ERC2: variants seen among roughly 807,000 people sequenced by gnomAD.
The protein encoded by ERC2 is ELKS/RAB6-interacting/CAST family member 2.
A neutral mutation model predicts 114.8 loss-of-function variants in ERC2; 42 were observed. The observed-to-expected ratio is 0.37, with a 90% confidence interval of 0.29 to 0.47. The LOEUF is 0.47. ERC2 is among the 20% of genes least tolerant of loss of function. The pLI is 0.99. For missense variants in ERC2, 939 were observed against 1,150.7 expected (o/e 0.82, Z 2.66); for synonymous variants, 454 against 425.5 (o/e 1.07, Z -0.82).
intron 7 of ERC2, among the ~76,000 whole-genome samples, chr3:56,075,958 C>T (rs2076949803): frequency 6.6e-6 from 1 of 151,990 alleles, no homozygotes; most frequent in African/African-American, 2.4e-5. Context: ...CTCAGTAATC[C>T]CACAGTGTCC....
intron 17 of ERC2, among the ~76,000 whole-genome samples, chr3:55,534,390 C>A (rs1380433529): frequency 1.6e-5 from 2 of 124,422 alleles, no homozygotes; most frequent in Non-Finnish European, 3.5e-5. Context: ...AGAGTGAGAC[C>A]CTGTCAAAAA....
chr3:55,636,903 A>G (rs1278233054), intron 17 of ERC2, among the ~76,000 whole-genome samples: 1 of 152,224 alleles, frequency 6.6e-6, no homozygotes, highest in African/African-American at 2.4e-5. Context: ...GTGTTAGACC[A>G]AATCACTCCA....
intron 3 of ERC2, among the ~76,000 whole-genome samples, chr3:56,225,904 G>A (rs142851718): frequency 1.5e-4 from 23 of 152,222 alleles, no homozygotes; most frequent in African/African-American, 4.6e-4. Context: ...GGATCCAGCT[G>A]GAACTTCACA....
At chr3:56,449,258 A>G (rs996149324) in intron 1 of ERC2, among the ~76,000 whole-genome samples, 1 of 151,980 alleles carries the variant, frequency 6.6e-6, no homozygotes, top group Non-Finnish European at 1.5e-5. Flanking sequence ...ATTCTGGAAG[A>G]CAACTCAGGG....
intron 14 of ERC2, among the ~76,000 whole-genome samples, chr3:55,811,819 T>C (rs2059730448): frequency 6.6e-6 from 1 of 152,218 alleles, no homozygotes; most frequent in Non-Finnish European, 1.5e-5. Context: ...ATTTCTTCCT[T>C]CCTCACAATT....
At chr3:56,105,686 G>A (rs1332913478) in intron 6 of ERC2, among the ~76,000 whole-genome samples, 1 of 152,170 alleles carries the variant, frequency 6.6e-6, no homozygotes, top group African/African-American at 2.4e-5. Context: ...CTGTAGAGAG[G>A]CAGTGGGAGA....
chr3:56,020,150 C>T (rs1471446695), intron 7 of ERC2, among the ~76,000 whole-genome samples: 1 of 152,078 alleles, frequency 6.6e-6, no homozygotes, highest in Non-Finnish European at 1.5e-5. Flanking sequence ...TCAAAAACAG[C>T]TCTGGATGCA....
chr3:56,086,304 C>T (rs150059007), intron 6 of ERC2, among the ~76,000 whole-genome samples: 30 of 152,158 alleles, frequency 2.0e-4, no homozygotes, highest in East Asian at 7.7e-4. Context: ...GTGATCAGCA[C>T]GTTACTCAAA....
At chr3:55,719,988 C>A (rs1288190009) in intron 15 of ERC2, among the ~76,000 whole-genome samples, 24 of 88,382 alleles carry the variant, frequency 2.7e-4, no homozygotes, top group African/African-American at 9.4e-4. Flanking sequence ...CTCTCCCTCC[C>A]TCTCTCTCCT....
intron 7 of ERC2, among the ~76,000 whole-genome samples, chr3:56,035,290 C>T (rs1488739886): frequency 6.6e-6 from 1 of 152,104 alleles, no homozygotes; most frequent in Non-Finnish European, 1.5e-5. Flanking sequence ...AATAGAAAAT[C>T]TAAACAGACC....
At chr3:55,938,865 C>A (rs985326091) in intron 13 of ERC2, among the ~76,000 whole-genome samples, 13 of 152,076 alleles carry the variant, frequency 8.5e-5, no homozygotes, top group African/African-American at 3.1e-4. Context: ...TTACAATTAA[C>A]AATGGATACT....
intron 1 of ERC2, among the ~76,000 whole-genome samples, chr3:56,460,875 C>T (rs1170810641): frequency 6.7e-6 from 1 of 149,080 alleles, no homozygotes; most frequent in African/African-American, 2.5e-5. Context: ...AATCCTAGCA[C>T]TTTGGGAGGC....
At chr3:55,583,445 C>CCTTCCTT (rs1559692653) in intron 17 of ERC2, among the ~76,000 whole-genome samples, 17 of 56,290 alleles carry the variant, frequency 3.0e-4, no homozygotes, top group Non-Finnish European at 6.0e-4. Flanking sequence ...CTTCCTTCCT[C>CCTTCCTT]CCTCCCTCCT....
intron 17 of ERC2, among the ~76,000 whole-genome samples, chr3:55,671,847 T>C (rs2061573199): frequency 6.6e-6 from 1 of 152,064 alleles, no homozygotes; most frequent in South Asian, 2.1e-4. Context: ...CTGTGCACCC[T>C]AATTCTACAT....
At chr3:56,380,386 T>C (rs549037363) in intron 2 of ERC2, among the ~76,000 whole-genome samples, 34 of 152,170 alleles carry the variant, frequency 2.2e-4, no homozygotes, top group Non-Finnish European at 3.2e-4. Context: ...ATACAGGGAT[T>C]TGTGTGCTTT....
At chr3:56,337,525 T>C (rs1293576789) in intron 2 of ERC2, among the ~76,000 whole-genome samples, 1 of 152,184 alleles carries the variant, frequency 6.6e-6, no homozygotes, top group Admixed American at 6.5e-5. Flanking sequence ...GATGACCTGA[T>C]AGAATATGCA....
intron 14 of ERC2, among the ~76,000 whole-genome samples, chr3:55,845,761 T>A (rs939638109): frequency 2.0e-5 from 3 of 152,244 alleles, no homozygotes; most frequent in African/African-American, 7.2e-5. Flanking sequence ...AAGAAGCTAC[T>A]TGCCTGTAAA....
chr3:56,189,310 A>C lies in ERC2; in HGVS notation c.1075-15790T>G, dbSNP rs141439010. 3.2e-4 allele frequency among the ~76,000 whole-genome samples: 49 copies of C among 152,336 alleles called. 1 individual carries two copies. The highest frequency in any genetic ancestry group is 6.5e-4 in the Non-Finnish European group (44 of 68,024). On this transcript the variant is annotated intron_variant, in intron 3 of 17. Transcript: ENST00000288221. ...ACGTGAGATACCTCCAGGTCATTCA[A>C]CTGTTCTTGATGGAATGCAAGAGCT...
chr3:55,704,390 A>G (rs1002416575), intron 15 of ERC2, among the ~76,000 whole-genome samples: 5 of 152,206 alleles, frequency 3.3e-5, no homozygotes, highest in African/African-American at 9.6e-5. Context: ...ATAGAAAAAA[A>G]TATAATAAGA....
Sources: gnomAD v4.1 joint callset for allele counts (sites outside exome capture counted in the v4.1 genomes callset) on GRCh38, gnomAD v4.1.1 for gene constraint, MANE v1.5 for transcripts, NCBI Gene and HGNC (gene_info 2026-07-23, HGNC 2026-07-21) for gene names.